CYP46A1: variants seen among roughly 807,000 people sequenced by gnomAD.
The protein encoded by CYP46A1 is cholesterol 24-hydroxylase.
A neutral mutation model predicts 63.3 loss-of-function variants in CYP46A1; 20 were observed. The ratio of observed to expected loss-of-function variants is 0.32; its 90% CI spans 0.22 to 0.46. The LOEUF is 0.46. Ranked by LOEUF, CYP46A1 falls within the 20% of genes least tolerant of loss-of-function variation. The pLI, the probability that CYP46A1 is intolerant of heterozygous loss-of-function variation, is 1.00. For synonymous variants in CYP46A1, 268 were observed against 273.6 expected, an observed-to-expected ratio of 0.98 and a Z score of 0.20; for missense variants, 445 against 670.8, an observed-to-expected ratio of 0.66 and a Z score of 3.72.
intron 6 of CYP46A1, among the ~76,000 whole-genome samples, 173 bp downstream of exon 6, chr14:99,706,958 AC>A (rs1327233151): frequency 6.6e-6 from 1 of 152,196 alleles, no homozygotes; most frequent in Non-Finnish European, 1.5e-5. Flanking sequence ...ATTCAAAGCA[AC>A]CTAGTGTGAG....
intron 7 of CYP46A1, 132 bp downstream of exon 7, chr14:99,707,810 T>C (rs2056692755): frequency 1.4e-6 from 1 of 707,866 alleles, no homozygotes; most frequent in African/African-American, 1.8e-5. Context: ...TGAAGTGACT[T>C]CTGAATCAGG....
Position 99,721,264 on chromosome 14 carries a change from A to G in CYP46A1, c.1006A>G (p.Ile336Val), listed in dbSNP as rs1196576010. Residue 336 changes from isoleucine to valine, a missense_variant, in exon 11 of 15, where the codon ATT (isoleucine) becomes GTT (valine). By Grantham distance (29) the Ile-to-Val change is conservative (BLOSUM62 3). Around this residue, in one of 4 missense-constraint regions of CYP46A1, gnomAD observed 95 missense variants for 156.9 expected, o/e 0.61. Transcript: ENST00000261835. Reference protein sequence around the residue: ...ARLQAEVDEVIGSKRYLDFED... With the variant: ...ARLQAEVDEVVGSKRYLDFED... ...GCTGCAGGCCGAGGTGGATGAGGTC[A>G]TTGGTTCTAAGAGGTACCTGGATTT... 1 of 1,614,034 alleles carries G rather than the reference A, an allele frequency of 6.2e-7. No homozygotes were observed.
intron 1 of CYP46A1, among the ~76,000 whole-genome samples, chr14:99,688,957 C>G (rs1443845182): frequency 6.6e-6 from 1 of 152,226 alleles, no homozygotes; most frequent in Non-Finnish European, 1.5e-5. Flanking sequence ...TCTCTTCCCT[C>G]CTCCCCAGTG....
chr14:99,719,390 TTG>T (rs2056822692), intron 10 of CYP46A1, among the ~76,000 whole-genome samples: 5 of 150,844 alleles, frequency 3.3e-5, no homozygotes, highest in Admixed American at 6.6e-5. Flanking sequence ...TTTTTTTTTT[TTG>T]TGTATTTTTA....
In CYP46A1 at chr14:99,704,828, G is replaced by A. The variant is rs116042863; in HGVS notation, c.444-1819G>A. On this transcript the variant is annotated intron_variant, in intron 5 of 14. Coordinates refer to ENST00000261835, the MANE Select transcript of CYP46A1 (RefSeq NM_006668.2). ...CTCAAGAGTTACTGCCTGAGGAAGC[G>A]GCCTTTGAGTGTCCATCTGGAGAAG... is the stretch of plus-strand genomic sequence containing the variant. Among the ~76,000 whole-genome samples, 988 of 152,298 alleles carry A rather than the reference G, an allele frequency of 6.5e-3. 11 individuals carry two copies. Among genetic ancestry groups the A allele is most frequent in the African/African-American group, 0.022 (923 of 41,556 alleles).
chr14:99,718,963 A>G (rs1206547255), intron 10 of CYP46A1, among the ~76,000 whole-genome samples: 1 of 151,646 alleles, frequency 6.6e-6, no homozygotes. Flanking sequence ...ACTGCTGAGT[A>G]TCTGTTCAGC....
rs759885529 is a variant in CYP46A1, at chr14:99,691,083, T to A, written c.122T>A (p.Phe41Tyr). ...EHIPGPPRPS[F>Y]LLGHLPCFWK... Reference sequence around the variant, plus strand: ...CTAATGTTTCCTGTTTCTTCTAGTTTCCTTCTAGGACACCTCCCCTGCTTT... The same window carrying A: ...CTAATGTTTCCTGTTTCTTCTAGTTACCTTCTAGGACACCTCCCCTGCTTT... The change falls in exon 2 of 15, where the codon TTC (phenylalanine) becomes TAC (tyrosine). Residue 41 changes from phenylalanine to tyrosine, a missense_variant and splice_region_variant. Phe to Tyr is a conservative substitution (Grantham distance 22). Around this residue, in one of 4 missense-constraint regions of CYP46A1, gnomAD observed 252 missense variants for 383.3 expected, o/e 0.66. Coordinates refer to ENST00000261835, the MANE Select transcript of CYP46A1 (RefSeq NM_006668.2). 1.2e-6 allele frequency: 2 copies of A among 1,614,160 alleles called. No homozygotes were observed. The highest frequency in any genetic ancestry group is 1.7e-6 in the Non-Finnish European group (2 of 1,180,006).
At chr14:99,700,363 T>C (rs555340581) in intron 5 of CYP46A1, among the ~76,000 whole-genome samples, 59 of 152,252 alleles carry the variant, frequency 3.9e-4, no homozygotes, top group Non-Finnish European at 5.9e-4. Context: ...GCCAGAAGCA[T>C]GGGGGTTCCT....
intron 14 of CYP46A1, 117 bp from the exon 15 acceptor site, chr14:99,726,440 C>A (rs2056898957): frequency 8.2e-7 from 1 of 1,220,104 alleles, no homozygotes; most frequent in South Asian, 1.7e-5. Context: ...ACAGGAGGCT[C>A]CCCAGGCTCT....
chr14:99,710,819 C>T (rs185542513), intron 7 of CYP46A1: 137 of 152,238 alleles, frequency 9.0e-4, no homozygotes, highest in African/African-American at 3.2e-3. Context: ...CCGTATAGAC[C>T]TAATAGACAT....
intron 7 of CYP46A1, chr14:99,712,766 T>C (rs1210355315): frequency 6.6e-6 from 1 of 152,170 alleles, no homozygotes; most frequent in African/African-American, 2.4e-5. Context: ...AAAATACCAA[T>C]GACATTCTTC....
At chr14:99,719,429 C>T (rs540102925) in intron 10 of CYP46A1, among the ~76,000 whole-genome samples, 11 of 149,602 alleles carry the variant, frequency 7.4e-5, no homozygotes, top group South Asian at 6.3e-4. Flanking sequence ...GCCATGTTGG[C>T]CAGGCTGGTC....
chr14:99,691,899 C>A (rs1324663604), intron 3 of CYP46A1, 38 bp downstream of exon 3: 2 of 1,601,242 alleles, frequency 1.2e-6, no homozygotes. Context: ...GAGTTCCCTG[C>A]CTTTCCTTGG....
intron 2 of CYP46A1, chr14:99,691,397 C>T: frequency 1.7e-6 from 1 of 593,572 alleles, no homozygotes; most frequent in South Asian, 2.1e-5. Context: ...GCCTCAGTTT[C>T]CTCATCTGTA....
intron 14 of CYP46A1, 82 bp from the exon 15 acceptor site, chr14:99,726,475 G>A (rs999267688): frequency 1.2e-5 from 16 of 1,364,696 alleles, no homozygotes; most frequent in African/African-American, 2.9e-5. Flanking sequence ...GAGGAGAGCC[G>A]GCTGTGACAT....
intron 7 of CYP46A1, among the ~76,000 whole-genome samples, chr14:99,714,276 T>G (rs2056766642): frequency 6.6e-6 from 1 of 152,180 alleles, no homozygotes; most frequent in Non-Finnish European, 1.5e-5. Context: ...TTGGCAGGGA[T>G]GTAAATTTGT....
intron 3 of CYP46A1, among the ~76,000 whole-genome samples, chr14:99,697,956 G>A (rs1298583836): frequency 6.6e-6 from 1 of 151,984 alleles, no homozygotes; most frequent in Non-Finnish European, 1.5e-5. Context: ...GGGCCTGTAG[G>A]GTGGGCATTT....
At chr14:99,685,577 T>C (rs1456952776) in intron 1 of CYP46A1, among the ~76,000 whole-genome samples, 1 of 151,964 alleles carries the variant, frequency 6.6e-6, no homozygotes, top group Non-Finnish European at 1.5e-5. Context: ...GTATCCCCAG[T>C]GCCTGGCGTG....
At chr14:99,687,782 TCTC>T (rs955703935) in intron 1 of CYP46A1, among the ~76,000 whole-genome samples, 5 of 152,022 alleles carry the variant, frequency 3.3e-5, no homozygotes, top group Non-Finnish European at 7.4e-5. Context: ...GGGGATTGCC[TCTC>T]CTCTCTCCCA....
Sources: gnomAD v4.1 joint callset for allele counts (sites outside exome capture counted in the v4.1 genomes callset) on GRCh38, gnomAD v4.1.1 for gene constraint, gnomAD v4.1.1 regional missense constraint, MANE v1.5 for transcripts, NCBI Gene and HGNC (gene_info 2026-07-23, HGNC 2026-07-21) for gene names.